The following TFEC variants were observed in gnomAD, a reference collection of about 807,000 sequenced individuals.
The protein encoded by TFEC is class E basic helix-loop-helix protein 34.
A neutral mutation model predicts 41.6 loss-of-function variants in TFEC; 31 were observed. That is an observed-to-expected ratio of 0.74 (90% confidence interval 0.56 to 1.01). The LOEUF is 1.01. Among genes scored for constraint, TFEC ranks in the 50% least tolerant of loss-of-function variants. TFEC has a pLI of 0.00. For missense variants in TFEC, 402 were observed against 404.1 expected (o/e 0.99, Z 0.04); for synonymous variants, 143 against 140.6 (o/e 1.02, Z -0.12).
chr7:116,150,203 C>T (rs921725805), intron 1 of TFEC, among the ~76,000 whole-genome samples: 2 of 152,074 alleles, frequency 1.3e-5, no homozygotes, highest in Non-Finnish European at 2.9e-5. Flanking sequence ...AGTTTTACTA[C>T]TAGTCTTGTA....
chr7:116,002,634 C>T (rs1584676769), intron 1 of TFEC, among the ~76,000 whole-genome samples: 1 of 151,900 alleles, frequency 6.6e-6, no homozygotes, highest in South Asian at 2.1e-4. Context: ...CTATGGTCAA[C>T]AATAATTTAT....
intron 3 of TFEC, among the ~76,000 whole-genome samples, chr7:116,041,442 T>C (rs1346311937): frequency 6.6e-6 from 1 of 152,180 alleles, no homozygotes; most frequent in African/African-American, 2.4e-5. Context: ...ACATATGTTA[T>C]GGAACGCAGT....
rs528785746 is a variant in TFEC at position 116,010,049 on chromosome 7, C to T, written c.-73+20584G>A. Among the ~76,000 whole-genome samples, 8 of 151,900 alleles carry T rather than the reference C, an allele frequency of 5.3e-5. No homozygotes were observed. The South Asian group carries it at 6.2e-4, about 12-fold the overall frequency. ...ATCAAGAGTATAGTAAAAAGCATTT[C>T]GGAGAGATGGAGCAGTATATGCAAA... On this transcript the variant is annotated intron_variant, in intron 1 of 7. Transcript: ENST00000265440.
intron 1 of TFEC, among the ~76,000 whole-genome samples, chr7:115,988,968 G>A (rs897136664): frequency 6.6e-6 from 1 of 152,056 alleles, no homozygotes; most frequent in Non-Finnish European, 1.5e-5. Flanking sequence ...AGGGATTGAG[G>A]GGGAAAAAAC....
intron 1 of TFEC, among the ~76,000 whole-genome samples, chr7:116,155,542 A>G (rs961979545): frequency 3.3e-5 from 5 of 152,028 alleles, no homozygotes; most frequent in East Asian, 1.9e-4. Context: ...TTTGCTTTCT[A>G]CCAACTCTGA....
intron 1 of TFEC, among the ~76,000 whole-genome samples, chr7:115,993,558 C>A (rs1275956402): frequency 1.3e-5 from 2 of 152,126 alleles, no homozygotes; most frequent in Non-Finnish European, 2.9e-5. Context: ...TCTTATAAAC[C>A]AATAACAGAC....
At chr7:116,047,467 T>C (rs1400496825) in intron 3 of TFEC, among the ~76,000 whole-genome samples, 1 of 152,046 alleles carries the variant, frequency 6.6e-6, no homozygotes, top group Non-Finnish European at 1.5e-5. Context: ...GTGTCCACCA[T>C]TGCTGAGGCT....
At chr7:115,969,588 A>G (rs1336695654) in intron 3 of TFEC, among the ~76,000 whole-genome samples, 1 of 151,984 alleles carries the variant, frequency 6.6e-6, no homozygotes, top group African/African-American at 2.4e-5. Flanking sequence ...CCTGAAGTCA[A>G]AGGGAAGTGC....
intron 3 of TFEC, among the ~76,000 whole-genome samples, chr7:116,109,294 G>A (rs1797794163): frequency 6.6e-6 from 1 of 152,136 alleles, no homozygotes; most frequent in Non-Finnish European, 1.5e-5. Context: ...GCAACCTACA[G>A]AATGGGAGAA....
intron 1 of TFEC, among the ~76,000 whole-genome samples, chr7:116,024,813 T>C (rs954179742): frequency 2.0e-5 from 3 of 150,266 alleles, no homozygotes; most frequent in Non-Finnish European, 4.4e-5. Flanking sequence ...TTCCAGAATA[T>C]CTTTGCTTGC....
At chr7:115,941,066 C>T (rs1793470337) in intron 7 of TFEC, 135 bp from the exon 8 acceptor site, 1 of 835,258 alleles carries the variant, frequency 1.2e-6, no homozygotes. Context: ...TATGAATAAT[C>T]TTTGCAAATA....
intron 5 of TFEC, among the ~76,000 whole-genome samples, chr7:115,951,836 A>G (rs933574665): frequency 6.6e-5 from 10 of 152,052 alleles, no homozygotes; most frequent in African/African-American, 2.4e-4. Context: ...GTAAATGTTC[A>G]ACATACAATA....
chr7:116,095,645 TAATCTGGC>T (rs1797435134), intron 3 of TFEC, among the ~76,000 whole-genome samples: 1 of 152,224 alleles, frequency 6.6e-6, no homozygotes, highest in Admixed American at 6.5e-5. Flanking sequence ...TAATATGTTG[TAATCTGGC>T]TTCTGTTCCC....
chr7:115,981,707 G>A (rs1219867703), intron 2 of TFEC, among the ~76,000 whole-genome samples: 1 of 152,202 alleles, frequency 6.6e-6, no homozygotes, highest in African/African-American at 2.4e-5. Flanking sequence ...TGAAAACTCA[G>A]ATAACAGGCG....
At chr7:115,977,245 C>T (rs1449245012) in intron 2 of TFEC, among the ~76,000 whole-genome samples, 1 of 151,990 alleles carries the variant, frequency 6.6e-6, no homozygotes, top group African/African-American at 2.4e-5. Flanking sequence ...CGCAAGTAAG[C>T]ATCCTCAAAA....
At chr7:115,946,481 T>C (rs1230825529) in intron 6 of TFEC, among the ~76,000 whole-genome samples, 2 of 149,600 alleles carry the variant, frequency 1.3e-5, no homozygotes, top group African/African-American at 4.9e-5. Context: ...AGTGGTGCGA[T>C]CATGGCTCAC....
At chr7:115,999,096 C>T (rs564627818) in intron 1 of TFEC, among the ~76,000 whole-genome samples, 14 of 151,838 alleles carry the variant, frequency 9.2e-5, no homozygotes, top group African/African-American at 3.1e-4. Flanking sequence ...TAAAAATTCA[C>T]ATAAGTCTTA....
intron 3 of TFEC, among the ~76,000 whole-genome samples, chr7:116,092,800 C>T (rs773465584): frequency 2.3e-4 from 35 of 152,126 alleles, no homozygotes; most frequent in Non-Finnish European, 4.1e-4. Context: ...ATGTGGGTCA[C>T]CTCGATAGTC....
chr7:115,936,382 C>A lies in TFEC; in HGVS notation c.*4169G>T, dbSNP rs1037706133. ...AATACTGAAACAAAATTCAATCCTTCGGGTGTCTTTAAGAAACCCAGATGG... is the reference window on the plus strand; with the variant it reads ...AATACTGAAACAAAATTCAATCCTTAGGGTGTCTTTAAGAAACCCAGATGG... On this transcript the variant is annotated 3_prime_UTR_variant, in exon 8 of 8. Transcript: ENST00000265440. 4 of 151,554 alleles carry A rather than the reference C, an allele frequency of 2.6e-5. No individual in the cohort carries two copies. Among genetic ancestry groups the A allele is most frequent in the Admixed American group, 2.0e-4 (3 of 15,204 alleles). 9.4% of individuals were successfully genotyped at this position (151,554 alleles called of 1,614,324 possible). A position where few individuals can be genotyped will look rare whatever the true frequency, so the allele number is the denominator to read the frequency against.
Sources: allele counts gnomAD v4.1 joint callset (sites outside exome capture counted in the v4.1 genomes callset), GRCh38; gene constraint gnomAD v4.1.1; transcripts MANE v1.5; gene names NCBI Gene and HGNC (gene_info 2026-07-23, HGNC 2026-07-21).